Variants in UBE2E2 observed in about 807,000 individuals in gnomAD.
The protein encoded by UBE2E2 is ubiquitin-conjugating enzyme E2 E2.
In UBE2E2, 6 loss-of-function variants were observed where a neutral mutation model predicts 24.7. That is an observed-to-expected ratio of 0.24 (90% confidence interval 0.13 to 0.48). The LOEUF (loss-of-function observed/expected upper bound fraction) is 0.48, where lower values mean the gene tolerates loss of function less well. Ranked by LOEUF, UBE2E2 falls within the 20% of genes least tolerant of loss-of-function variation. The probability of loss-of-function intolerance (pLI) is 0.99; values close to 1 mark genes in which losing one functional copy is unlikely to be tolerated. For missense variants in UBE2E2, 169 were observed against 245.0 expected (o/e 0.69, Z 2.07); for synonymous variants, 104 against 83.6 (o/e 1.24, Z -1.33).
chr3:23,301,788 G>C (rs537071739), intron 3 of UBE2E2, among the ~76,000 whole-genome samples: 1 of 149,196 alleles, frequency 6.7e-6, no homozygotes, highest in South Asian at 2.1e-4. Context: ...CGTGCTGGGA[G>C]AACCACTACT....
At chr3:23,320,501 C>T (rs1694712139) in intron 3 of UBE2E2, among the ~76,000 whole-genome samples, 1 of 152,200 alleles carries the variant, frequency 6.6e-6, no homozygotes, top group Non-Finnish European at 1.5e-5. Flanking sequence ...TTTTTAATAG[C>T]AGTCACCCCA....
In UBE2E2 at chr3:23,583,620, C is replaced by T. The variant is rs978672214; in HGVS notation, c.509-6114C>T. 9.9e-5 allele frequency among the ~76,000 whole-genome samples: 15 copies of T among 152,068 alleles called. No homozygotes were observed. Among genetic ancestry groups the T allele is most frequent in the Non-Finnish European group, 2.9e-5 (2 of 67,988 alleles). ...TTTCTTTGAGCAGTGATTTGTAATTCTCATTGTAAAGATCTTTCACCTCCC... is the reference window on the plus strand; with the variant it reads ...TTTCTTTGAGCAGTGATTTGTAATTTTCATTGTAAAGATCTTTCACCTCCC... On this transcript the variant is annotated intron_variant, in intron 5 of 5. Transcript: ENST00000396703. This position sits in a 1 kb window ranked among gnomAD's most constrained non-coding sequence, Gnocchi z 4.1.
intron 3 of UBE2E2, among the ~76,000 whole-genome samples, chr3:23,264,636 T>C (rs1697994549): frequency 1.3e-5 from 2 of 152,180 alleles, no homozygotes; most frequent in Admixed American, 1.3e-4. Context: ...GTGGCCCAAG[T>C]ATGCATGGTT....
chr3:23,436,843 T>A (rs1198355643), intron 3 of UBE2E2, among the ~76,000 whole-genome samples: 2 of 152,210 alleles, frequency 1.3e-5, no homozygotes, highest in East Asian at 3.8e-4. Context: ...CACTCCTGCA[T>A]GCAGTTACAC....
At chr3:23,242,735 T>C (rs889886491) in intron 3 of UBE2E2, among the ~76,000 whole-genome samples, 1 of 152,092 alleles carries the variant, frequency 6.6e-6, no homozygotes, top group Non-Finnish European at 1.5e-5. Flanking sequence ...GTAAATTGGG[T>C]AAATAAACAG....
At chr3:23,510,917 G>T (rs1326916952) in intron 4 of UBE2E2, among the ~76,000 whole-genome samples, 1 of 152,164 alleles carries the variant, frequency 6.6e-6, no homozygotes, top group African/African-American at 2.4e-5. Context: ...TGACACAATA[G>T]TTCAGCCCAG....
intron 3 of UBE2E2, among the ~76,000 whole-genome samples, chr3:23,427,070 G>A (rs1458979531): frequency 6.6e-6 from 1 of 151,974 alleles, no homozygotes; most frequent in African/African-American, 2.4e-5. Flanking sequence ...TTGAAAGTAG[G>A]CTTCGATTAG....
At chr3:23,412,986 G>C (rs1697528609) in intron 3 of UBE2E2, among the ~76,000 whole-genome samples, 1 of 149,672 alleles carries the variant, frequency 6.7e-6, no homozygotes, top group African/African-American at 2.5e-5. Flanking sequence ...TCATAGATGG[G>C]GAACCAAGAT....
intron 1 of UBE2E2, among the ~76,000 whole-genome samples, chr3:23,206,372 C>T (rs1172325471): frequency 2.0e-5 from 3 of 152,134 alleles, no homozygotes; most frequent in South Asian, 2.1e-4. Context: ...AAATATGTTA[C>T]GACTTTTAGA....
intron 2 of UBE2E2, among the ~76,000 whole-genome samples, chr3:23,215,667 C>T (rs1287035036): frequency 6.6e-6 from 1 of 152,070 alleles, no homozygotes; most frequent in African/African-American, 2.4e-5. Flanking sequence ...TTTTGTCTCG[C>T]AGAAATATAT....
intron 3 of UBE2E2, among the ~76,000 whole-genome samples, chr3:23,396,331 G>GTATATATA (rs58629417): frequency 9.9e-4 from 141 of 143,076 alleles, no homozygotes; most frequent in East Asian, 3.6e-3. Flanking sequence ...ATATATATAC[G>GTATATATA]TATATATATA....
chr3:23,555,392 T>G (rs1483822859), intron 5 of UBE2E2, among the ~76,000 whole-genome samples: 1 of 152,000 alleles, frequency 6.6e-6, no homozygotes, highest in African/African-American at 2.4e-5. Context: ...GGCAAAGGTG[T>G]GGAGAAAAGG....
intron 3 of UBE2E2, among the ~76,000 whole-genome samples, chr3:23,402,768 C>T (rs541648915): frequency 5.9e-4 from 90 of 152,264 alleles, no homozygotes; most frequent in Non-Finnish European, 8.5e-4. Context: ...ATTTCAGTAA[C>T]TTTTCAGAAT....
At chr3:23,226,044 T>A (rs1238401919) in intron 3 of UBE2E2, among the ~76,000 whole-genome samples, 1 of 152,082 alleles carries the variant, frequency 6.6e-6, no homozygotes, top group Non-Finnish European at 1.5e-5. Context: ...CATGCATGGC[T>A]AATGTTTGTA....
At chr3:23,338,217 A>G (rs1372145835) in intron 3 of UBE2E2, among the ~76,000 whole-genome samples, 1 of 152,176 alleles carries the variant, frequency 6.6e-6, no homozygotes, top group Non-Finnish European at 1.5e-5. Flanking sequence ...TGGCTCATTA[A>G]AAACTTGACA....
chr3:23,281,158 A>G (rs577358859), intron 3 of UBE2E2, among the ~76,000 whole-genome samples: 1 of 152,236 alleles, frequency 6.6e-6, no homozygotes, highest in South Asian at 2.1e-4. Flanking sequence ...GTTGCAATAT[A>G]TGAATTTTAG....
At chr3:23,254,861 G>A (rs1425043313) in intron 3 of UBE2E2, among the ~76,000 whole-genome samples, 1 of 152,008 alleles carries the variant, frequency 6.6e-6, no homozygotes, top group African/African-American at 2.4e-5. Context: ...TAAGGTCCTT[G>A]TATAATCTTA....
At chr3:23,534,095 A>G (rs765917811) in intron 5 of UBE2E2, 11 of 732,132 alleles carry the variant, frequency 1.5e-5, no homozygotes, top group Non-Finnish European at 1.8e-5. Flanking sequence ...ATAACCTTGT[A>G]TAACCTCATT....
intron 3 of UBE2E2, among the ~76,000 whole-genome samples, chr3:23,292,155 T>C (rs900417158): frequency 1.3e-5 from 2 of 151,986 alleles, no homozygotes; most frequent in Admixed American, 6.6e-5. Flanking sequence ...ATTTTTGTAT[T>C]TTTAGTAGGG....
Sources: gnomAD v4.1 joint callset for allele counts (sites outside exome capture counted in the v4.1 genomes callset) on GRCh38, gnomAD v4.1.1 for gene constraint, Gnocchi (gnomAD v3.1) non-coding constraint, MANE v1.5 for transcripts, NCBI Gene and HGNC (gene_info 2026-07-23, HGNC 2026-07-21) for gene names.